The following ERBB4 variants were observed in gnomAD, a reference collection of about 807,000 sequenced individuals.
The protein encoded by ERBB4 is receptor tyrosine-protein kinase erbB-4.
Under a neutral mutation model 158.0 loss-of-function variants are expected in ERBB4, and 42 were observed. That is an observed-to-expected ratio of 0.27 (90% confidence interval 0.21 to 0.34). The LOEUF (loss-of-function observed/expected upper bound fraction) is 0.34. ERBB4 is among the 10% of genes least tolerant of loss of function. The pLI, the probability that ERBB4 is intolerant of heterozygous loss-of-function variation, is 1.00. For missense variants in ERBB4, 1,333 were observed against 1,624.1 expected (o/e 0.82, Z 3.08); for synonymous variants, 583 against 558.7 (o/e 1.04, Z -0.61).
chr2:211,905,918 G>A (rs1228946005), intron 3 of ERBB4, among the ~76,000 whole-genome samples: 1 of 151,352 alleles, frequency 6.6e-6, no homozygotes, highest in East Asian at 2.0e-4. Context: ...AAAGAGGTAG[G>A]GTGTTTGTGC....
intron 1 of ERBB4, among the ~76,000 whole-genome samples, chr2:212,178,984 T>TA (rs2081766861): frequency 6.6e-6 from 1 of 151,680 alleles, no homozygotes; most frequent in African/African-American, 2.4e-5. Context: ...TGGCTAGAAA[T>TA]ACCACAATCA....
intron 2 of ERBB4, among the ~76,000 whole-genome samples, chr2:212,064,001 T>C (rs960184672): frequency 1.3e-5 from 2 of 152,130 alleles, no homozygotes; most frequent in African/African-American, 4.8e-5. Context: ...GTTAAATCAC[T>C]GTAGCCATAA....
At chr2:211,840,598 A>C (rs1274473747) in intron 3 of ERBB4, among the ~76,000 whole-genome samples, 1 of 152,094 alleles carries the variant, frequency 6.6e-6, no homozygotes, top group Non-Finnish European at 1.5e-5. Flanking sequence ...ATTGAGGAAA[A>C]CATGAATTTT....
chr2:211,897,097 CTA>C (rs1349102689), intron 3 of ERBB4, among the ~76,000 whole-genome samples: 1 of 150,186 alleles, frequency 6.7e-6, no homozygotes, highest in African/African-American at 2.4e-5. Flanking sequence ...TATAAAAACA[CTA>C]TGTTTAAAGC....
At chr2:212,387,730 T>A (rs192321002) in intron 1 of ERBB4, among the ~76,000 whole-genome samples, 18 of 152,224 alleles carry the variant, frequency 1.2e-4, no homozygotes, top group Non-Finnish European at 2.1e-4. Flanking sequence ...TTAGAACACA[T>A]TTGAATCTTG....
At chr2:212,431,377 T>C (rs187053445) in intron 1 of ERBB4, among the ~76,000 whole-genome samples, 4 of 148,346 alleles carry the variant, frequency 2.7e-5, no homozygotes, top group Non-Finnish European at 6.0e-5. Flanking sequence ...TTTCATATCA[T>C]ATCTCTCAGT....
intron 1 of ERBB4, among the ~76,000 whole-genome samples, chr2:212,169,548 TA>T (rs1219823343): frequency 2.0e-5 from 3 of 152,096 alleles, no homozygotes; most frequent in Non-Finnish European, 4.4e-5. Context: ...AATCTAAAAC[TA>T]TAAAAATTCT....
At chr2:211,485,924 G>A (rs559020062) in intron 20 of ERBB4, among the ~76,000 whole-genome samples, 2 of 151,820 alleles carry the variant, frequency 1.3e-5, no homozygotes, top group South Asian at 2.1e-4. Flanking sequence ...ATTGATTTAC[G>A]GACCTTTGCA....
At chr2:211,730,812 G>C (rs2074403590) in intron 5 of ERBB4, among the ~76,000 whole-genome samples, 1 of 152,002 alleles carries the variant, frequency 6.6e-6, no homozygotes, top group South Asian at 2.1e-4. Context: ...AGCTTTGGTA[G>C]TTTTAATAAG....
chr2:212,382,512 A>C (rs1422474630), intron 1 of ERBB4, among the ~76,000 whole-genome samples: 2 of 150,914 alleles, frequency 1.3e-5, no homozygotes, highest in African/African-American at 4.8e-5. Context: ...GGTTGTTTGT[A>C]AATGTATCTA....
chr2:212,142,935 C>CTTT (rs763731261), intron 1 of ERBB4, among the ~76,000 whole-genome samples: 4 of 144,232 alleles, frequency 2.8e-5, no homozygotes, highest in Non-Finnish European at 4.6e-5. Context: ...TTAGGAACAT[C>CTTT]TTTTTTTTTT....
At chr2:211,782,896 C>T (rs1363823135) in intron 4 of ERBB4, among the ~76,000 whole-genome samples, 1 of 152,072 alleles carries the variant, frequency 6.6e-6, no homozygotes, top group Non-Finnish European at 1.5e-5. Flanking sequence ...GTAGTTTTTT[C>T]CAATTCTGTG....
chr2:211,710,023 T>G (rs924222871), intron 9 of ERBB4, among the ~76,000 whole-genome samples: 3 of 152,140 alleles, frequency 2.0e-5, no homozygotes, highest in African/African-American at 7.2e-5. Flanking sequence ...TAACAATATT[T>G]TATTGTACCT....
At position 211,383,762 on chromosome 2, in the gene ERBB4, C is replaced by T. The variant is rs751703840; in HGVS notation, c.3780G>A (p.Gln1260=). The change falls in exon 28 of 28, where the codon CAG becomes CAA. Residue 1260 remains glutamine (Q), a synonymous_variant. Coordinates refer to ENST00000342788, the MANE Select transcript of ERBB4 (RefSeq NM_005235.3). ...TATAAAAATATTTTGTGCTGTACTC[C>T]TGCAGGTAGTCTGGGTGCTGAAGGG... ...RSTLQHPDYL[Q]EYSTKYFYKQ... 1 of 1,614,106 alleles carries T rather than the reference C, an allele frequency of 6.2e-7. No homozygotes were observed. The highest frequency in any genetic ancestry group is 8.5e-7 in the Non-Finnish European group (1 of 1,180,012).
intron 19 of ERBB4, among the ~76,000 whole-genome samples, chr2:211,607,715 G>GA (rs1292441776): frequency 1.3e-5 from 2 of 151,490 alleles, no homozygotes; most frequent in African/African-American, 2.4e-5. Context: ...CATTTTTTGG[G>GA]AAAAAAACAA....
chr2:211,888,222 C>A (rs190721870), intron 3 of ERBB4, among the ~76,000 whole-genome samples: 4 of 152,084 alleles, frequency 2.6e-5, no homozygotes, highest in African/African-American at 7.2e-5. Flanking sequence ...GGAAAATGAA[C>A]CTTTTTATAT....
intron 1 of ERBB4, among the ~76,000 whole-genome samples, chr2:212,520,315 C>A (rs1358079341): frequency 6.6e-6 from 1 of 151,902 alleles, no homozygotes; most frequent in African/African-American, 2.4e-5. Context: ...AAAACTTCAT[C>A]CCAGTCTAGT....
intron 1 of ERBB4, among the ~76,000 whole-genome samples, chr2:212,367,227 C>T (rs1178922271): frequency 6.6e-6 from 1 of 152,174 alleles, no homozygotes; most frequent in South Asian, 2.1e-4. Flanking sequence ...GCCTCCAGAA[C>T]TCTGAGAAAA....
chr2:212,102,293 C>T (rs973871477), intron 2 of ERBB4, among the ~76,000 whole-genome samples: 4 of 151,514 alleles, frequency 2.6e-5, no homozygotes, highest in Non-Finnish European at 5.9e-5. Context: ...CTGATTAAAA[C>T]TCTGGTCAAT....
Sources: gnomAD v4.1 joint callset for allele counts (sites outside exome capture counted in the v4.1 genomes callset) on GRCh38, gnomAD v4.1.1 for gene constraint, MANE v1.5 for transcripts, NCBI Gene and HGNC (gene_info 2026-07-23, HGNC 2026-07-21) for gene names.